The following CPED1 variants were observed in gnomAD, a reference collection of about 807,000 sequenced individuals.
The protein encoded by CPED1 is cadherin-like and PC-esterase domain-containing protein 1.
A neutral mutation model predicts 128.2 loss-of-function variants in CPED1; 114 were observed. The observed-to-expected ratio is 0.89, with a 90% CI of 0.76 to 1.04. CPED1 has a LOEUF of 1.04. CPED1 is among the 50% of genes least tolerant of loss of function. CPED1 has a pLI of 0.00. For synonymous variants in CPED1, 462 were observed against 426.7 expected (o/e 1.08, Z -1.02); for missense variants, 1,211 against 1,207.1 (o/e 1.00, Z -0.05).
rs997048859 is a variant in CPED1 at position 121,259,020 on chromosome 7, C to T, written c.2311-7207C>T. Among the ~76,000 whole-genome samples, 10 of 152,124 alleles carry T rather than the reference C, an allele frequency of 6.6e-5. 1 individual carries two copies. The East Asian group carries it at 1.9e-3, about 29-fold the overall frequency. On this transcript the variant is annotated intron_variant, in intron 18 of 22. Transcript: ENST00000310396. ...ATTGAGAACTATTAGAAAGTTAGGC[C>T]TTCAAATAGTGCTCTGCTTTCTTTA...
At chr7:121,087,673 T>TTTTTC (rs1794465080) in intron 5 of CPED1, among the ~76,000 whole-genome samples, 1 of 148,160 alleles carries the variant, frequency 6.7e-6, no homozygotes, top group Non-Finnish European at 1.5e-5. Flanking sequence ...TCCTGTTTTT[T>TTTTTC]TTTTTTTGGC....
intron 2 of CPED1, among the ~76,000 whole-genome samples, chr7:120,994,657 G>GTGTGTGTGT (rs148572524): frequency 1.8e-4 from 27 of 149,196 alleles, no homozygotes; most frequent in East Asian, 5.8e-4. Context: ...GTGTGTGTGT[G>GTGTGTGTGT]TGTTGTTGTT....
chr7:121,064,205 C>T (rs756946022), intron 4 of CPED1, 33 bp from the exon 5 acceptor site: 1 of 1,436,616 alleles, frequency 7.0e-7, no homozygotes, highest in Non-Finnish European at 9.8e-7. Flanking sequence ...TGATGAATGC[C>T]TCACTCACTA....
At chr7:121,207,625 A>G (rs930214199) in intron 16 of CPED1, among the ~76,000 whole-genome samples, 16 of 152,082 alleles carry the variant, frequency 1.1e-4, no homozygotes, top group African/African-American at 3.6e-4. Flanking sequence ...GTCTTAATAC[A>G]TATCATATAT....
chr7:121,021,295 G>T (rs1792434743), intron 3 of CPED1, among the ~76,000 whole-genome samples: 1 of 151,812 alleles, frequency 6.6e-6, no homozygotes, highest in South Asian at 2.1e-4. Context: ...TAATTTAATA[G>T]ATTTCTATCT....
At position 121,127,099 on chromosome 7, in the gene CPED1, C is replaced by A; in HGVS notation, c.1144C>A (p.His382Asn). ...MYPVVLQVHEHLNFQDYDNMD... is the reference protein window; with the variant it reads ...MYPVVLQVHENLNFQDYDNMD... ...TTTTGTTCTTTCAAAGGTACACGAG[C>A]ATTTAAATTTTCAAGATTATGATAA... The change falls in exon 10 of 23, where the codon CAT (histidine) becomes AAT (asparagine). Residue 382 changes from histidine to asparagine, a missense_variant. By Grantham distance (68) the His-to-Asn change is moderately conservative. Coordinates refer to ENST00000310396, the MANE Select transcript of CPED1 (RefSeq NM_024913.5). The A allele has an allele frequency of 6.3e-7, 1 of 1,587,660 alleles. No homozygotes were observed. Among genetic ancestry groups the A allele is most frequent in the Non-Finnish European group, 8.6e-7 (1 of 1,169,362 alleles).
intron 16 of CPED1, among the ~76,000 whole-genome samples, chr7:121,210,650 A>G (rs912687148): frequency 1.3e-5 from 2 of 152,000 alleles, no homozygotes; most frequent in East Asian, 3.9e-4. Context: ...AATGGTTACC[A>G]GAGGCTGGGA....
chr7:121,158,540 G>A (rs1256597163), intron 16 of CPED1, among the ~76,000 whole-genome samples: 1 of 151,642 alleles, frequency 6.6e-6, no homozygotes, highest in African/African-American at 2.4e-5. Flanking sequence ...CAGGTTCTGG[G>A]AGACACAGAG....
chr7:121,073,345 G>A (rs935176035), intron 5 of CPED1, among the ~76,000 whole-genome samples: 3 of 152,102 alleles, frequency 2.0e-5, no homozygotes, highest in Non-Finnish European at 4.4e-5. Context: ...AAAAGAGGAG[G>A]GTTTGGTTCT....
At chr7:121,091,166 G>T (rs1356472646) in intron 5 of CPED1, among the ~76,000 whole-genome samples, 1 of 131,728 alleles carries the variant, frequency 7.6e-6, no homozygotes, top group Non-Finnish European at 1.7e-5. Context: ...CTTAAATACT[G>T]CAGTAACTGA....
chr7:121,266,092 T>A, intron 18 of CPED1, 135 bp from the exon 19 acceptor site: 1 of 660,822 alleles, frequency 1.5e-6, no homozygotes, highest in Non-Finnish European at 2.6e-6. Context: ...ATGAATGTTA[T>A]TTCTAACAAT....
At chr7:121,200,265 G>A (rs1298423179) in intron 16 of CPED1, among the ~76,000 whole-genome samples, 1 of 152,038 alleles carries the variant, frequency 6.6e-6, no homozygotes, top group Non-Finnish European at 1.5e-5. Context: ...GGTGTGCAAG[G>A]ATATAAAAAC....
chr7:121,150,704 T>G (rs1796137023), intron 16 of CPED1, among the ~76,000 whole-genome samples: 1 of 152,016 alleles, frequency 6.6e-6, no homozygotes, highest in Middle Eastern at 3.2e-3. Context: ...CAGCCTCAGG[T>G]TGGGCATTTT....
In CPED1 at chr7:121,271,332, G is replaced by C. The variant is rs369521024; in HGVS notation, c.2770G>C (p.Ala924Pro). 1 of 1,612,164 alleles carries C rather than the reference G, an allele frequency of 6.2e-7. No individual in the cohort carries two copies. The highest frequency in any genetic ancestry group is 8.5e-7 in the Non-Finnish European group (1 of 1,178,678). The change falls in exon 22 of 23, where the codon GCA becomes CCA. Residue 924 changes from alanine to proline, a missense_variant. Ala to Pro is a conservative substitution (Grantham distance 27). Transcript: ENST00000310396. ...WKENLIILDT[A>P]KKHGYEVVDT... The stretch of plus-strand genomic sequence containing the variant: ...AGAAAATTTGATTATTCTGGATACT[G>C]CAAAAAAACATGGCTATGAAGTAGT...
chr7:121,089,725 C>A (rs1794528476), intron 5 of CPED1, among the ~76,000 whole-genome samples: 1 of 152,040 alleles, frequency 6.6e-6, no homozygotes, highest in Non-Finnish European at 1.5e-5. Flanking sequence ...GTTTAGGCTG[C>A]CATTCTATTA....
At chr7:121,165,613 C>A (rs956203273) in intron 16 of CPED1, among the ~76,000 whole-genome samples, 12 of 152,136 alleles carry the variant, frequency 7.9e-5, no homozygotes, top group Non-Finnish European at 7.4e-5. Context: ...CCTTTCCTTT[C>A]ATTCTTTCTC....
chr7:121,001,103 C>T lies in CPED1; in HGVS notation c.249+11233C>T, dbSNP rs150905008. Among the ~76,000 whole-genome samples, 47 of 152,156 alleles carry T rather than the reference C, an allele frequency of 3.1e-4. No homozygotes were observed. In the East Asian group the frequency reaches 8.1e-3, roughly 26 times the overall value. On this transcript the variant is annotated intron_variant, in intron 2 of 22. Coordinates refer to ENST00000310396, the MANE Select transcript of CPED1 (RefSeq NM_024913.5). ...ATGTAGCATGTATTTTTGATTGTCA[C>T]CCTGTGTTTTCTTCGGTACATTTTG...
intron 16 of CPED1, among the ~76,000 whole-genome samples, chr7:121,202,553 TAG>T (rs913191036): frequency 2.6e-5 from 4 of 152,126 alleles, no homozygotes; most frequent in African/African-American, 9.7e-5. Context: ...TACTTTTCTA[TAG>T]ATTTTTTCTA....
intron 18 of CPED1, among the ~76,000 whole-genome samples, chr7:121,248,659 A>AAAAC (rs1798597519): frequency 1.3e-5 from 2 of 151,048 alleles, no homozygotes. Context: ...TTGCCCTTTG[A>AAAAC]AAACATCCAG....
Sources: allele counts gnomAD v4.1 joint callset (sites outside exome capture counted in the v4.1 genomes callset), GRCh38; gene constraint gnomAD v4.1.1; transcripts MANE v1.5; gene names NCBI Gene and HGNC (gene_info 2026-07-23, HGNC 2026-07-21).